GK3: variants seen among roughly 807,000 people sequenced by gnomAD.
GK3 encodes glycerol kinase 3.
chr4:165,279,138 C>G, the GK3 span: 1 of 1,602,632 alleles, frequency 6.2e-7, no homozygotes, highest in Non-Finnish European at 8.6e-7. Context: ...GCTCGTTTTT[C>G]TTCAACGGCC....
chr4:165,279,646 G>A, the GK3 span: 3 of 1,611,038 alleles, frequency 1.9e-6, no homozygotes, highest in Non-Finnish European at 1.7e-6. Context: ...AGGCTGCCAT[G>A]AAACCAGCTT....
At chr4:165,277,966 T>G in the GK3 span, 1 of 1,096,540 alleles carries the variant, frequency 9.1e-7, no homozygotes, top group Non-Finnish European at 1.4e-6. Flanking sequence ...ATCTTGGGAA[T>G]CCATGAGTTG....
chr4:165,277,945 A>G, the GK3 span: 1 of 967,594 alleles, frequency 1.0e-6, no homozygotes, highest in Non-Finnish European at 1.7e-6. Flanking sequence ...TTCATTATGT[A>G]AAAAGCTCGC....
At chr4:165,278,525 G>C in the GK3 span, 1 of 1,609,230 alleles carries the variant, frequency 6.2e-7, no homozygotes, top group Admixed American at 1.7e-5. Flanking sequence ...TCTTGCGCTG[G>C]GCTCCCAATA....
chr4:165,279,159 T>C, the GK3 span: 1,463 of 1,600,930 alleles, frequency 9.1e-4, 8 homozygotes, highest in African/African-American at 0.016. Flanking sequence ...TTTTGAACTT[T>C]TCTCACATTG....
chr4:165,278,180 G>A, the GK3 span: 1 of 1,320,876 alleles, frequency 7.6e-7, no homozygotes, highest in African/African-American at 1.4e-5. Context: ...ATTAATCTGA[G>A]GTTCAAACCG....
the GK3 span, chr4:165,278,239 G>A: frequency 7.1e-6 from 8 of 1,133,272 alleles, no homozygotes; most frequent in Middle Eastern, 1.9e-4. Flanking sequence ...TCCATACGTC[G>A]ACTCCTTCTG....
At chr4:165,279,245 T>C in the GK3 span, 3 of 1,536,626 alleles carry the variant, frequency 2.0e-6, no homozygotes, top group South Asian at 3.4e-5. Flanking sequence ...GACAAAGTTA[T>C]TATTTCCTGG....
At chr4:165,278,750 C>G in the GK3 span, 1 of 1,583,504 alleles carries the variant, frequency 6.3e-7, no homozygotes, top group Admixed American at 1.7e-5. Context: ...GGTGAGAAGG[C>G]CATGATCAGA....
At chr4:165,279,386 G>A in the GK3 span, 3 of 1,585,170 alleles carry the variant, frequency 1.9e-6, no homozygotes, top group East Asian at 6.7e-5. Flanking sequence ...GACACCAATA[G>A]CTTTTATGTT....
the GK3 span, chr4:165,279,525 C>T: frequency 1.3e-6 from 2 of 1,561,762 alleles, no homozygotes; most frequent in Admixed American, 1.7e-5. Flanking sequence ...TTTATTTCCA[C>T]TTGATGATGA....
the GK3 span, chr4:165,278,648 C>G: frequency 1.3e-6 from 2 of 1,596,696 alleles, no homozygotes; most frequent in Admixed American, 1.7e-5. Context: ...AAGATTGTCT[C>G]TTAGCCAGCG....
the GK3 span, chr4:165,278,982 A>G: frequency 6.7e-7 from 1 of 1,496,488 alleles, no homozygotes; most frequent in South Asian, 1.1e-5. Flanking sequence ...ATTCCAAAAA[A>G]TTCACAGAGT....
the GK3 span, chr4:165,279,355 G>A: frequency 4.4e-6 from 7 of 1,581,046 alleles, no homozygotes; most frequent in East Asian, 2.2e-5. Context: ...CCCAGACTAC[G>A]GTGGTTTCCC....
At chr4:165,279,554 C>G in the GK3 span, 2 of 1,581,164 alleles carry the variant, frequency 1.3e-6, no homozygotes, top group South Asian at 1.1e-5. Context: ...TTCAGCTGTT[C>G]TTGAATTGAA....
the GK3 span, chr4:165,277,994 C>T: frequency 0.016 from 22,077 of 1,367,724 alleles, 192 homozygotes; most frequent in Non-Finnish European, 0.018. Context: ...TTATGGAATA[C>T]CTGAGATGTA....
At chr4:165,279,121 A>G in the GK3 span, 2 of 1,599,412 alleles carry the variant, frequency 1.3e-6, no homozygotes, top group Non-Finnish European at 1.7e-6. Flanking sequence ...CAATAGTCCC[A>G]AAAAGAGCTC....
At chr4:165,278,774 T>G in the GK3 span, 1 of 1,551,022 alleles carries the variant, frequency 6.4e-7, no homozygotes, top group Non-Finnish European at 8.9e-7. Context: ...TACACACTTA[T>G]GGCCTGTATT....
chr4:165,278,611 A>C, the GK3 span: 112,158 of 1,598,064 alleles, frequency 0.07, 4,355 homozygotes, highest in Middle Eastern at 0.12. Flanking sequence ...CAAGTTTTTC[A>C]ATTTCTTCTG....
Sources: gnomAD v4.1 joint callset for allele counts on GRCh38, gnomAD v4.1.1 for gene constraint, MANE v1.5 for transcripts, NCBI Gene and HGNC (gene_info 2026-07-23, HGNC 2026-07-21) for gene names.